The following GLE1 variants were observed in gnomAD, a reference collection of about 807,000 sequenced individuals.
The protein encoded by GLE1 is mRNA export factor GLE1.
In GLE1, 78 loss-of-function variants were observed where a neutral mutation model predicts 97.3. The ratio of observed to expected loss-of-function variants is 0.80; its 90% CI spans 0.67 to 0.97. The LOEUF (loss-of-function observed/expected upper bound fraction) is 0.97. Among genes scored for constraint, GLE1 ranks in the 50% least tolerant of loss-of-function variants. The probability of loss-of-function intolerance (pLI) is 0.00; values close to 1 mark genes in which losing one functional copy is unlikely to be tolerated. For synonymous variants in GLE1, 302 were observed against 313.4 expected (o/e 0.96, Z 0.39); for missense variants, 753 against 857.5 (o/e 0.88, Z 1.52).
rs201830047 is a variant in GLE1 at position 128,508,942 on chromosome 9, G to A, written c.166G>A (p.Val56Ile). The change falls in exon 2 of 16, where the codon GTC becomes ATC. Residue 56 changes from valine (V) to isoleucine (I), a missense_variant. Transcript: ENST00000309971. Reference protein sequence around the residue: ...SSYSGWVVEHVLPHMQENQPL... With the variant: ...SSYSGWVVEHILPHMQENQPL... Reference sequence around the variant, plus strand: ...TTATTCTGGATGGGTGGTAGAGCACGTCCTACCCCATATGCAGGAGAACCA... The same window carrying A: ...TTATTCTGGATGGGTGGTAGAGCACATCCTACCCCATATGCAGGAGAACCA... 79 of 1,611,594 alleles carry A rather than the reference G, an allele frequency of 4.9e-5. No individual in the cohort carries two copies. In the African/African-American group the frequency reaches 8.5e-4, roughly 17 times the overall value.
rs1233818778 is a variant in GLE1 at position 128,525,388 on chromosome 9, C to T, written c.1094C>T (p.Ala365Val). 1.9e-6 allele frequency: 3 copies of T among 1,610,398 alleles called. No homozygotes were observed. Among genetic ancestry groups the T allele is most frequent in the Non-Finnish European group, 2.5e-6 (3 of 1,178,222 alleles). ...CCAGAGGCCCACAAAGAGCCCCCAGCTCCCAGCCAGGGCCCAGGAGGGAAA... is the reference window on the plus strand; with the variant it reads ...CCAGAGGCCCACAAAGAGCCCCCAGTTCCCAGCCAGGGCCCAGGAGGGAAA... ...QGPEAHKEPP[A>V]PSQGPGGKQN... is the part of the protein sequence containing the mutation. Residue 365 changes from alanine to valine, a missense_variant, in exon 7 of 16, where the codon GCT becomes GTT. By Grantham distance (64) the Ala-to-Val change is moderately conservative (BLOSUM62 0). Coordinates refer to ENST00000309971, the MANE Select transcript of GLE1 (RefSeq NM_001003722.2).
chr9:128,521,567 T>A (rs991658055), intron 3 of GLE1, among the ~76,000 whole-genome samples: 1 of 152,160 alleles, frequency 6.6e-6, no homozygotes, highest in Non-Finnish European at 1.5e-5. Flanking sequence ...AAAATATAAT[T>A]ATGTTTTAAA....
intron 12 of GLE1, 127 bp from the exon 13 acceptor site, chr9:128,537,859 C>T (rs1250630448): frequency 2.8e-6 from 2 of 708,842 alleles, no homozygotes; most frequent in Non-Finnish European, 5.2e-6. Flanking sequence ...TATTTCTGCC[C>T]TGTGGCAGGT....
chr9:128,522,588 T>G (rs1589054603), intron 3 of GLE1, 80 bp from the exon 4 acceptor site: 1 of 1,442,452 alleles, frequency 6.9e-7, no homozygotes, highest in Non-Finnish European at 9.2e-7. Flanking sequence ...GAGTTGGAGG[T>G]TGCAGTGAGC....
intron 1 of GLE1, among the ~76,000 whole-genome samples, chr9:128,505,389 G>A (rs1846612240): frequency 6.6e-6 from 1 of 152,228 alleles, no homozygotes; most frequent in South Asian, 2.1e-4. Context: ...GCGAGAAGTG[G>A]AGGGATGTGG....
At chr9:128,521,901 T>C (rs1486698962) in intron 3 of GLE1, among the ~76,000 whole-genome samples, 1 of 152,220 alleles carries the variant, frequency 6.6e-6, no homozygotes, top group Non-Finnish European at 1.5e-5. Context: ...AGTACTCTCA[T>C]GAAATGATAA....
In GLE1 at chr9:128,531,170, C is replaced by T. The variant is rs189267067; in HGVS notation, c.1313-2343C>T. 1.8e-4 allele frequency among the ~76,000 whole-genome samples: 25 copies of T among 142,774 alleles called. No individual in the cohort carries two copies. In the East Asian group the frequency reaches 2.9e-3, roughly 16 times the overall value. 93.7% of individuals were successfully genotyped at this position (142,774 alleles called of 152,430 possible). ...CAGAAGTTGCGGTGATCTGAGATCA[C>T]GCCATTGCACTCCAGTCTGGGCAAA... On this transcript the variant is annotated intron_variant, in intron 9 of 15. Transcript: ENST00000309971.
chr9:128,514,443 G>C (rs60138193), intron 2 of GLE1, among the ~76,000 whole-genome samples: 1 of 148,082 alleles, frequency 6.8e-6, no homozygotes, highest in African/African-American at 2.5e-5. Context: ...GAGGATAGCA[G>C]ACTTTTTTTT....
chr9:128,505,993 T>C (rs2132394830), intron 1 of GLE1, among the ~76,000 whole-genome samples: 2 of 152,328 alleles, frequency 1.3e-5, no homozygotes, highest in South Asian at 4.1e-4. Context: ...AATCCATTAC[T>C]TTTATTATTT....
intron 9 of GLE1, among the ~76,000 whole-genome samples, chr9:128,528,583 G>A (rs559555719): frequency 3.9e-5 from 6 of 152,290 alleles, no homozygotes; most frequent in African/African-American, 1.2e-4. Flanking sequence ...GATTACAGGC[G>A]TGAGTCACTG....
intron 2 of GLE1, among the ~76,000 whole-genome samples, chr9:128,509,884 A>G (rs1203345577): frequency 2.0e-5 from 3 of 152,174 alleles, no homozygotes; most frequent in African/African-American, 7.2e-5. Flanking sequence ...ACTTGAGCCC[A>G]GGAGTTTGAG....
chr9:128,524,104 G>T, intron 6 of GLE1, among the ~76,000 whole-genome samples: 1 of 82,858 alleles, frequency 1.2e-5, no homozygotes, highest in Non-Finnish European at 2.2e-5. Context: ...TTTTGTGATG[G>T]GGTTCCCCTT....
chr9:128,527,180 C>T lies in GLE1; in HGVS notation c.1131C>T (p.Asp377=), dbSNP rs745490161. The T allele has an allele frequency of 1.3e-6, 2 of 1,545,946 alleles. No individual in the cohort carries two copies. The highest frequency in any genetic ancestry group is 2.2e-5 in the East Asian group (1 of 44,556). The part of the protein sequence containing the change: ...SQGPGGKQNE[D]LQVKVQDITM... ...TAAAACCTCTCTTTTATTTCTCAGACCTCCAGGTGAAGGTACAAGACATTA... is the reference window on the plus strand; with the variant it reads ...TAAAACCTCTCTTTTATTTCTCAGATCTCCAGGTGAAGGTACAAGACATTA... Residue 377 remains aspartate (D), a splice_region_variant and synonymous_variant, in exon 8 of 16, where the codon GAC becomes GAT. Coordinates refer to ENST00000309971, the MANE Select transcript of GLE1 (RefSeq NM_001003722.2).
At chr9:128,535,522 C>A (rs367548198) in intron 11 of GLE1, among the ~76,000 whole-genome samples, 197 of 120,274 alleles carry the variant, frequency 1.6e-3, no homozygotes, top group Admixed American at 2.3e-3. Flanking sequence ...AACTCTGTCT[C>A]AAAAAAAAAA....
intron 2 of GLE1, among the ~76,000 whole-genome samples, chr9:128,514,203 G>A (rs928686073): frequency 1.1e-4 from 17 of 151,706 alleles, no homozygotes; most frequent in African/African-American, 3.1e-4. Flanking sequence ...GCCAGGTGTG[G>A]TGGCGTGCGC....
At chr9:128,534,081 C>G in intron 11 of GLE1, 130 bp downstream of exon 11, 1 of 759,164 alleles carries the variant, frequency 1.3e-6, no homozygotes, top group Non-Finnish European at 2.3e-6. Flanking sequence ...AATATAATGT[C>G]TTTCGGCCGG....
intron 2 of GLE1, among the ~76,000 whole-genome samples, chr9:128,514,221 C>T (rs1846910566): frequency 6.7e-6 from 1 of 150,354 alleles, no homozygotes; most frequent in African/African-American, 2.4e-5. Flanking sequence ...CGCCAGTGGT[C>T]CCAGCTACTT....
chr9:128,514,445 CTT>C (rs772047006), intron 2 of GLE1, among the ~76,000 whole-genome samples: 12 of 132,714 alleles, frequency 9.0e-5, no homozygotes, highest in East Asian at 2.2e-4. Context: ...GGATAGCAGA[CTT>C]TTTTTTTTTT....
In GLE1 at chr9:128,525,223, A is replaced by G. The variant is rs1276501840; in HGVS notation, c.929A>G (p.Glu310Gly). 1 of 1,613,984 alleles carries G rather than the reference A, an allele frequency of 6.2e-7. No individual in the cohort carries two copies. The highest frequency in any genetic ancestry group is 1.1e-5 in the South Asian group (1 of 91,080). The change falls in exon 7 of 16, where the codon GAG becomes GGG. Residue 310 changes from glutamate (E) to glycine (G), a missense_variant. Transcript: ENST00000309971. The stretch of plus-strand genomic sequence containing the variant: ...TATCCCACAGCAGAGAGTCAAGCTG[A>G]GGCTGAGCGAGCTCTGCGGGAAATG... The part of the protein sequence containing the change: ...SSYPTAESQA[E>G]AERALREMRD...
Sources: gnomAD v4.1 joint callset for allele counts (sites outside exome capture counted in the v4.1 genomes callset) on GRCh38, gnomAD v4.1.1 for gene constraint, MANE v1.5 for transcripts, NCBI Gene and HGNC (gene_info 2026-07-23, HGNC 2026-07-21) for gene names.